Variants in SPIDR observed in about 807,000 individuals in gnomAD.
The protein encoded by SPIDR is DNA repair-scaffolding protein.
Under a neutral mutation model 104.6 loss-of-function variants are expected in SPIDR, and 93 were observed. The observed-to-expected ratio is 0.89, with a 90% CI of 0.75 to 1.06. SPIDR has a LOEUF of 1.06. Ranked by LOEUF, SPIDR falls within the 50% of genes least tolerant of loss-of-function variation. SPIDR has a pLI of 0.00. For missense variants in SPIDR, 1,154 were observed against 1,111.2 expected, an observed-to-expected ratio of 1.04 and a Z score of -0.55; for synonymous variants, 431 against 416.9, an observed-to-expected ratio of 1.03 and a Z score of -0.41.
At chr8:47,360,173 C>T (rs1226288016) in intron 5 of SPIDR, among the ~76,000 whole-genome samples, 3 of 123,494 alleles carry the variant, frequency 2.4e-5, no homozygotes, top group African/African-American at 6.1e-5. Context: ...ACCCGGGAGG[C>T]GGAGGTTGCA....
At position 47,509,933 on chromosome 8, in the gene SPIDR, C is replaced by T. The variant is rs193140810; in HGVS notation, c.1097+69391C>T. Among the ~76,000 whole-genome samples the T allele has an allele frequency of 1.1e-4, 17 of 151,986 alleles. 1 individual carries two copies. In the East Asian group the frequency reaches 1.9e-3, roughly 17 times the overall value. ...CCACACACATGCACACACACACACA[C>T]GACACACACTTAACACACATCTGTA... On this transcript the variant is annotated intron_variant, in intron 8 of 19. Transcript: ENST00000297423.
intron 8 of SPIDR, chr8:47,512,170 C>T: frequency 2.6e-6 from 1 of 385,280 alleles, no homozygotes; most frequent in Non-Finnish European, 4.8e-6. Flanking sequence ...CTCCCCACAT[C>T]CACTACTTTC....
chr8:47,661,407 G>T (rs2074083109), intron 10 of SPIDR, among the ~76,000 whole-genome samples: 1 of 152,262 alleles, frequency 6.6e-6, no homozygotes, highest in Admixed American at 6.5e-5. Context: ...CTTAGCTCAA[G>T]ATCGCTAGCA....
intron 10 of SPIDR, among the ~76,000 whole-genome samples, chr8:47,626,569 A>G (rs1450787716): frequency 6.6e-6 from 1 of 152,046 alleles, no homozygotes; most frequent in Non-Finnish European, 1.5e-5. Context: ...CCATCAACAA[A>G]TGGGCGAAGG....
intron 10 of SPIDR, among the ~76,000 whole-genome samples, chr8:47,639,895 C>T (rs1017015237): frequency 5.3e-5 from 8 of 151,260 alleles, no homozygotes; most frequent in Non-Finnish European, 1.2e-4. Context: ...TGTAGTAAGC[C>T]GAGATCGCAC....
chr8:47,599,330 TG>T, intron 10 of SPIDR, 134 bp downstream of exon 10: 1 of 1,243,436 alleles, frequency 8.0e-7, no homozygotes, highest in Non-Finnish European at 1.1e-6. Context: ...TGTTTTTCCT[TG>T]CATCAAAATT....
chr8:47,545,860 A>G (rs952691235), intron 8 of SPIDR, among the ~76,000 whole-genome samples: 3 of 151,948 alleles, frequency 2.0e-5, no homozygotes, highest in East Asian at 1.9e-4. Flanking sequence ...ATTTTTGTCA[A>G]GTGGTTTTTC....
chr8:47,660,489 G>A (rs989967797), intron 10 of SPIDR: 13 of 985,296 alleles, frequency 1.3e-5, no homozygotes, highest in East Asian at 1.1e-4. Flanking sequence ...AAAGTCCTGC[G>A]GAATGGCAGC....
chr8:47,681,311 A>G lies in SPIDR; in HGVS notation c.1685+7370A>G, dbSNP rs192594863. Among the ~76,000 whole-genome samples, 261 of 152,216 alleles carry G rather than the reference A, an allele frequency of 1.7e-3. 1 individual carries two copies. Among genetic ancestry groups the G allele is most frequent in the African/African-American group, 6.0e-3 (248 of 41,542 alleles). ...GGGTTTTTTGGGCCAATATTTAACT[A>G]TTGTAAAGTATCTCTTTGTAAGATC... On this transcript the variant is annotated intron_variant, in intron 11 of 19. Transcript: ENST00000297423.
At chr8:47,287,013 TAAAGAG>T (rs1250395635) in intron 3 of SPIDR, among the ~76,000 whole-genome samples, 2 of 151,936 alleles carry the variant, frequency 1.3e-5, no homozygotes, top group African/African-American at 4.8e-5. Context: ...AGCTGAGAAA[TAAAGAG>T]AAAGAGTACA....
chr8:47,666,447 G>A (rs2074946863), intron 10 of SPIDR, among the ~76,000 whole-genome samples: 1 of 152,006 alleles, frequency 6.6e-6, no homozygotes, highest in African/African-American at 2.4e-5. Context: ...AAATTAGGCT[G>A]GTATTTCCCC....
At chr8:47,627,141 A>G (rs924427994) in intron 10 of SPIDR, among the ~76,000 whole-genome samples, 1 of 152,214 alleles carries the variant, frequency 6.6e-6, no homozygotes, top group Non-Finnish European at 1.5e-5. Flanking sequence ...CACAAGGACA[A>G]AAAACCGAAC....
At chr8:47,315,090 G>A (rs2045055112) in intron 5 of SPIDR, among the ~76,000 whole-genome samples, 1 of 152,036 alleles carries the variant, frequency 6.6e-6, no homozygotes, top group Admixed American at 6.6e-5. Context: ...TCATAAATTT[G>A]TATATACCTA....
At chr8:47,395,396 G>A (rs542084435) in intron 5 of SPIDR, among the ~76,000 whole-genome samples, 2 of 152,208 alleles carry the variant, frequency 1.3e-5, no homozygotes, top group Admixed American at 1.3e-4. Context: ...CAGAAAAAAA[G>A]GCCTTTTGTT....
intron 9 of SPIDR, among the ~76,000 whole-genome samples, chr8:47,597,016 T>C (rs2061695841): frequency 6.6e-6 from 1 of 152,190 alleles, no homozygotes; most frequent in Non-Finnish European, 1.5e-5. Context: ...TGGATAACAA[T>C]GCCTTCTTCT....
At chr8:47,399,700 G>T (rs1249593116) in intron 6 of SPIDR, among the ~76,000 whole-genome samples, 1 of 152,168 alleles carries the variant, frequency 6.6e-6, no homozygotes, top group Non-Finnish European at 1.5e-5. Flanking sequence ...TGGTCCAGGG[G>T]CACACTAAAA....
At chr8:47,400,628 C>T (rs2061747683) in intron 6 of SPIDR, among the ~76,000 whole-genome samples, 1 of 151,136 alleles carries the variant, frequency 6.6e-6, no homozygotes, top group Admixed American at 6.6e-5. Context: ...TTCTGGTTTG[C>T]CCTGCAGGAA....
Position 47,294,037 on chromosome 8 carries a change from A to G in SPIDR, c.525+7A>G. The stretch of plus-strand genomic sequence containing the variant: ...GCTGTCGGAGCTTCCCAAGGTAAGA[A>G]TGAAGTATTTCAAAACTTTTATTCA... On this transcript the variant is annotated splice_region_variant and intron_variant, in intron 5 of 19. Transcript: ENST00000297423. 2 of 1,607,100 alleles carry G rather than the reference A, an allele frequency of 1.2e-6. No individual in the cohort carries two copies. The highest frequency in any genetic ancestry group is 2.2e-5 in the South Asian group (2 of 89,406).
chr8:47,528,601 A>G (rs1030699712), intron 8 of SPIDR, among the ~76,000 whole-genome samples: 3 of 152,150 alleles, frequency 2.0e-5, no homozygotes, highest in African/African-American at 7.2e-5. Flanking sequence ...AGAAATGGAA[A>G]CCTTAGGAAA....
Sources: gnomAD v4.1 joint callset for allele counts (sites outside exome capture counted in the v4.1 genomes callset) on GRCh38, gnomAD v4.1.1 for gene constraint, MANE v1.5 for transcripts, NCBI Gene and HGNC (gene_info 2026-07-23, HGNC 2026-07-21) for gene names.